The following KDM4C variants were observed in gnomAD, a reference collection of about 807,000 sequenced individuals.
KDM4C encodes the protein lysine-specific demethylase 4C.
In KDM4C, 81 loss-of-function variants were observed where a neutral mutation model predicts 129.3. The ratio of observed to expected loss-of-function variants is 0.63; its 90% CI spans 0.52 to 0.75. KDM4C has a LOEUF of 0.75. KDM4C is among the 30% of genes least tolerant of loss of function. The pLI is 0.00. For missense variants in KDM4C, 1,457 were observed against 1,304.0 expected (o/e 1.12, Z -1.81); for synonymous variants, 573 against 456.1 (o/e 1.26, Z -3.26).
At chr9:7,129,711 A>G (rs1467254458) in intron 19 of KDM4C, among the ~76,000 whole-genome samples, 2 of 152,178 alleles carry the variant, frequency 1.3e-5, no homozygotes, top group African/African-American at 2.4e-5. Context: ...ATGTGGTTCT[A>G]TACTTGAACT....
intron 5 of KDM4C, among the ~76,000 whole-genome samples, chr9:6,856,351 T>C (rs1158107583): frequency 1.3e-5 from 2 of 152,190 alleles, no homozygotes; most frequent in Non-Finnish European, 2.9e-5. Context: ...TAAAGCTGCA[T>C]TATTTTGCTA....
chr9:6,727,035 C>G (rs986653107), intron 1 of KDM4C: 1 of 152,092 alleles, frequency 6.6e-6, no homozygotes, highest in Non-Finnish European at 1.5e-5. Flanking sequence ...GCATCTGGCC[C>G]GATTCTTTAT....
At chr9:6,723,202 C>T (rs1397684053) in intron 1 of KDM4C, among the ~76,000 whole-genome samples, 3 of 151,866 alleles carry the variant, frequency 2.0e-5, no homozygotes, top group South Asian at 2.1e-4. Context: ...GGAGAAACCC[C>T]GTCTCTACTA....
At chr9:7,035,979 T>C (rs899669038) in intron 15 of KDM4C, among the ~76,000 whole-genome samples, 2 of 152,190 alleles carry the variant, frequency 1.3e-5, no homozygotes, top group Non-Finnish European at 2.9e-5. Flanking sequence ...TCATTTGTGG[T>C]TCCATACAAA....
intron 15 of KDM4C, among the ~76,000 whole-genome samples, chr9:7,026,885 G>GA (rs1825904094): frequency 6.6e-6 from 1 of 151,864 alleles, no homozygotes; most frequent in African/African-American, 2.4e-5. Flanking sequence ...AGACTTTGAT[G>GA]CATTCTTCAA....
At position 6,767,522 on chromosome 9, in the gene KDM4C, C is replaced by T. The variant is rs201534222; in HGVS notation, c.-18+9319C>T. On this transcript the variant is annotated intron_variant, in intron 1 of 21. Coordinates refer to ENST00000381309, the MANE Select transcript of KDM4C (RefSeq NM_015061.6). The stretch of plus-strand genomic sequence containing the variant: ...TGATCTCGGCTCACTGCAACCTCTG[C>T]CTCCCAGGTTCAAGCGATTCTTCTG... Among the ~76,000 whole-genome samples, 6 of 152,080 alleles carry T rather than the reference C, an allele frequency of 3.9e-5. No homozygotes were observed. The East Asian group carries it at 7.7e-4, about 20-fold the overall frequency.
intron 3 of KDM4C, among the ~76,000 whole-genome samples, chr9:6,811,613 AC>A (rs1316089849): frequency 6.6e-6 from 1 of 152,230 alleles, no homozygotes; most frequent in East Asian, 1.9e-4. Flanking sequence ...AATATGAATC[AC>A]ATTACTGATG....
At chr9:7,003,735 G>T (rs1223222608) in intron 12 of KDM4C, among the ~76,000 whole-genome samples, 1 of 152,042 alleles carries the variant, frequency 6.6e-6, no homozygotes, top group Non-Finnish European at 1.5e-5. Context: ...CTAAAGTCCT[G>T]TAATTTTTTT....
At chr9:6,945,415 C>T (rs1826784738) in intron 8 of KDM4C, among the ~76,000 whole-genome samples, 1 of 152,054 alleles carries the variant, frequency 6.6e-6, no homozygotes, top group South Asian at 2.1e-4. Context: ...GATTATAAAG[C>T]ATTTAGTAGT....
chr9:6,721,627 T>G (rs1588023719), intron 1 of KDM4C, among the ~76,000 whole-genome samples: 1 of 144,806 alleles, frequency 6.9e-6, no homozygotes, highest in East Asian at 2.1e-4. Flanking sequence ...CTCGCTCTTT[T>G]GCCCAGGCTG....
At chr9:6,942,256 T>G (rs1218433781) in intron 8 of KDM4C, among the ~76,000 whole-genome samples, 1 of 150,440 alleles carries the variant, frequency 6.6e-6, no homozygotes, top group Non-Finnish European at 1.5e-5. Flanking sequence ...GCCTTATCTA[T>G]TTCTTTCTCA....
At position 6,986,591 on chromosome 9, in the gene KDM4C, C is replaced by T. The variant is rs372876617; in HGVS notation, c.1602C>T (p.Ser534=). 5 of 1,613,906 alleles carry T rather than the reference C, an allele frequency of 3.1e-6. No individual in the cohort carries two copies. Among genetic ancestry groups the T allele is most frequent in the Non-Finnish European group, 4.2e-6 (5 of 1,179,974 alleles). ...AGGGAGAAGAGAGTGATGTGGAGAG[C>T]CATGGGAATGGCCTTGAACCTGGGG... The part of the protein sequence containing the change: ...LTEGEESDVE[S]HGNGLEPGEI... The change falls in exon 11 of 22, where the codon AGC becomes AGT. Residue 534 remains serine, a synonymous_variant. Transcript: ENST00000381309.
intron 2 of KDM4C, among the ~76,000 whole-genome samples, chr9:6,799,186 C>G (rs934412243): frequency 6.6e-6 from 1 of 152,202 alleles, no homozygotes; most frequent in African/African-American, 2.4e-5. Context: ...AGGCTGCAAT[C>G]TCGGCACTTT....
At chr9:7,076,518 GA>G in intron 17 of KDM4C, 2 of 1,545,820 alleles carry the variant, frequency 1.3e-6, no homozygotes, top group Non-Finnish European at 1.7e-6. Flanking sequence ...AATTCATTAG[GA>G]AAGTTACATC....
intron 2 of KDM4C, among the ~76,000 whole-genome samples, chr9:6,803,332 G>T (rs183763335): frequency 6.6e-6 from 1 of 152,080 alleles, no homozygotes; most frequent in Non-Finnish European, 1.5e-5. Flanking sequence ...CAACACTTTG[G>T]GAGGCAGAGG....
chr9:7,160,716 G>C (rs545861666), intron 19 of KDM4C, among the ~76,000 whole-genome samples: 1 of 152,280 alleles, frequency 6.6e-6, no homozygotes, highest in South Asian at 2.1e-4. Flanking sequence ...GTCCCAGAAG[G>C]GGAGCCACCT....
chr9:7,141,884 T>C (rs999519040), intron 19 of KDM4C, among the ~76,000 whole-genome samples: 1 of 152,150 alleles, frequency 6.6e-6, no homozygotes, highest in African/African-American at 2.4e-5. Context: ...AGACATCTCA[T>C]GTTTTAGAAG....
chr9:7,097,952 C>T (rs776160114), intron 17 of KDM4C, among the ~76,000 whole-genome samples: 1 of 152,194 alleles, frequency 6.6e-6, no homozygotes, highest in African/African-American at 2.4e-5. Context: ...TTTATGTGTT[C>T]AGTCAGTGTT....
intron 2 of KDM4C, among the ~76,000 whole-genome samples, chr9:6,799,367 A>G (rs562951768): frequency 1.1e-4 from 17 of 152,352 alleles, no homozygotes; most frequent in Admixed American, 3.9e-4. Context: ...GCTGGAGACC[A>G]GCCCGGCCAA....
Sources: allele counts gnomAD v4.1 joint callset (sites outside exome capture counted in the v4.1 genomes callset), GRCh38; gene constraint gnomAD v4.1.1; transcripts MANE v1.5; gene names NCBI Gene and HGNC (gene_info 2026-07-23, HGNC 2026-07-21).